ACSS1: variants seen among roughly 807,000 people sequenced by gnomAD.
ACSS1 encodes the protein acetyl-coenzyme A synthetase 2-like, mitochondrial.
Under a neutral mutation model 75.3 loss-of-function variants are expected in ACSS1, and 42 were observed. The ratio of observed to expected loss-of-function variants is 0.56; its 90% confidence interval spans 0.44 to 0.72. The LOEUF is 0.72. Ranked by LOEUF, ACSS1 falls within the 30% of genes least tolerant of loss-of-function variation. The probability of loss-of-function intolerance (pLI) is 0.00; values close to 1 mark genes in which losing one functional copy is unlikely to be tolerated. For missense variants in ACSS1, 782 were observed against 935.7 expected (o/e 0.84, Z 2.14); for synonymous variants, 380 against 376.8 (o/e 1.01, Z -0.10).
At chr20:25,013,779 G>A in intron 9 of ACSS1, 117 bp from the exon 10 acceptor site, 1 of 1,443,710 alleles carries the variant, frequency 6.9e-7, no homozygotes, top group Non-Finnish European at 9.2e-7. Context: ...TGCCCCTGAG[G>A]AGGGCCCCAA....
At chr20:25,037,546 T>C (rs1193795181) in intron 2 of ACSS1, among the ~76,000 whole-genome samples, 3 of 152,174 alleles carry the variant, frequency 2.0e-5, no homozygotes, top group African/African-American at 7.2e-5. Flanking sequence ...GCTCAGTCAC[T>C]TCTCTCCAAG....
Position 25,030,852 on chromosome 20 carries a change from C to T in ACSS1, c.538G>A (p.Ala180Thr). 1 of 1,614,246 alleles carries T rather than the reference C, an allele frequency of 6.2e-7. No homozygotes were observed. The highest frequency in any genetic ancestry group is 8.5e-7 in the Non-Finnish European group (1 of 1,180,050). ...ATCCTGGCACAGGCCAGCATTGCTG[C>T]CACAGCCAATGGGGACACGGGCATG... ...IYMPVSPLAVAAMLACARIGA... is the reference protein window; with the variant it reads ...IYMPVSPLAVTAMLACARIGA... The change falls in exon 3 of 14, where the codon GCA becomes ACA. Residue 180 changes from alanine to threonine, a missense_variant. Ala to Thr is a moderately conservative substitution (Grantham distance 58). Coordinates refer to ENST00000323482, the MANE Select transcript of ACSS1 (RefSeq NM_032501.4).
At chr20:25,032,026 GC>G (rs539295238) in intron 2 of ACSS1, among the ~76,000 whole-genome samples, 89 of 152,300 alleles carry the variant, frequency 5.8e-4, no homozygotes, top group African/African-American at 2.0e-3. Flanking sequence ...ACTCCCTGCA[GC>G]CCCGAGACAG....
chr20:25,023,054 G>A lies in ACSS1; in HGVS notation c.846C>T (p.Ser282=), dbSNP rs1407669663. The stretch of plus-strand genomic sequence containing the variant: ...TGAAGAGCATGTCCTCACTGCCCAT[G>A]CTCTCTGGGGCGCAAACAGGGTCCT... The part of the protein sequence containing the change: ...AKEDPVCAPE[S]MGSEDMLFML... The change falls in exon 5 of 14, where the codon AGC becomes AGT. Residue 282 remains serine, a synonymous_variant. Coordinates refer to ENST00000323482, the MANE Select transcript of ACSS1 (RefSeq NM_032501.4). 2 of 1,613,776 alleles carry A rather than the reference G, an allele frequency of 1.2e-6. No individual in the cohort carries two copies. The highest frequency in any genetic ancestry group is 1.7e-5 in the Admixed American group (1 of 59,960).
At chr20:25,023,889 G>A (rs2088670721) in intron 3 of ACSS1, among the ~76,000 whole-genome samples, 1 of 152,198 alleles carries the variant, frequency 6.6e-6, no homozygotes, top group Non-Finnish European at 1.5e-5. Context: ...TTGAAGCTCA[G>A]CTCTTCCTCC....
chr20:25,048,279 T>G, intron 1 of ACSS1, 98 bp from the exon 2 acceptor site: 1 of 938,286 alleles, frequency 1.1e-6, no homozygotes, highest in Non-Finnish European at 1.6e-6. Context: ...TTGCTGTGGC[T>G]CTCTCTTCTT....
chr20:25,015,013 A>G, intron 8 of ACSS1, 125 bp downstream of exon 8: 2 of 742,440 alleles, frequency 2.7e-6, no homozygotes, highest in East Asian at 5.8e-5. Flanking sequence ...GGGTTTCCGC[A>G]GTCTCGGGCG....
At chr20:25,016,438 C>T (rs527436177) in intron 7 of ACSS1, among the ~76,000 whole-genome samples, 19 of 152,346 alleles carry the variant, frequency 1.2e-4, no homozygotes, top group African/African-American at 3.1e-4. Flanking sequence ...TTCTCAGTGT[C>T]TACCTTATGA....
At chr20:25,022,632 T>G (rs2088642976) in intron 5 of ACSS1, among the ~76,000 whole-genome samples, 2 of 152,214 alleles carry the variant, frequency 1.3e-5, no homozygotes. Context: ...TTAATTTGGG[T>G]GGTTTTCTCT....
rs759675862 is a variant in ACSS1 at position 25,023,693 on chromosome 20, C to T, written c.632-52G>A. The T allele has an allele frequency of 1.3e-5, 19 of 1,504,958 alleles. No homozygotes were observed. The East Asian group carries it at 4.3e-4, about 34-fold the overall frequency. 93.2% of individuals were successfully genotyped at this position (1,504,958 alleles called of 1,614,324 possible). On this transcript the variant is annotated intron_variant, in intron 3 of 13. Coordinates refer to ENST00000323482, the MANE Select transcript of ACSS1 (RefSeq NM_032501.4). ...GATCAGTCTCCTCCCGACTTTAACC[C>T]TCATAGCTCTGACTCACATAGGACA...
At chr20:25,034,491 CA>C (rs1247508662) in intron 2 of ACSS1, among the ~76,000 whole-genome samples, 3 of 152,164 alleles carry the variant, frequency 2.0e-5, no homozygotes, top group African/African-American at 7.2e-5. Flanking sequence ...CCCAGACTTC[CA>C]AATGGACCCC....
chr20:25,042,613 A>G (rs73346986), intron 2 of ACSS1, among the ~76,000 whole-genome samples: 1,612 of 152,110 alleles, frequency 0.011, 21 homozygotes, highest in African/African-American at 0.034. Context: ...TAGGGTAATT[A>G]ACTTGGGAGG....
intron 2 of ACSS1, among the ~76,000 whole-genome samples, chr20:25,037,443 A>G (rs1460960672): frequency 6.6e-6 from 1 of 152,194 alleles, no homozygotes; most frequent in Non-Finnish European, 1.5e-5. Flanking sequence ...AGCCTACAGA[A>G]ACGTTTCATT....
intron 7 of ACSS1, among the ~76,000 whole-genome samples, chr20:25,015,839 T>C (rs1237355285): frequency 6.6e-6 from 1 of 152,232 alleles, no homozygotes; most frequent in Non-Finnish European, 1.5e-5. Flanking sequence ...AGGAGCAATC[T>C]GGATGTTTCT....
chr20:25,046,569 C>T, intron 2 of ACSS1: 1 of 531,022 alleles, frequency 1.9e-6, no homozygotes, highest in Admixed American at 3.2e-5. Context: ...CCCTGCCGGA[C>T]CTCCAGGTGT....
In ACSS1 at chr20:25,021,380, C is replaced by T; in HGVS notation, c.1108+9G>A. ...GCATGGGGTCCCAAACAGGGTTCAC[C>T]ATCCTTACCAGCATTGGGATAAACT... On this transcript the variant is annotated intron_variant, in intron 6 of 13. Transcript: ENST00000323482. 1 of 1,613,158 alleles carries T rather than the reference C, an allele frequency of 6.2e-7. No homozygotes were observed. The highest frequency in any genetic ancestry group is 8.5e-7 in the Non-Finnish European group (1 of 1,179,454).
chr20:25,022,025 G>C (rs1412347980), intron 5 of ACSS1, among the ~76,000 whole-genome samples: 1 of 152,118 alleles, frequency 6.6e-6, no homozygotes, highest in Non-Finnish European at 1.5e-5. Flanking sequence ...GTAAGGAAAT[G>C]GGGGAGCATA....
chr20:25,056,738 C>G (rs1387525547), intron 1 of ACSS1, among the ~76,000 whole-genome samples: 1 of 152,156 alleles, frequency 6.6e-6, no homozygotes, highest in African/African-American at 2.4e-5. Context: ...CCATAAAGAC[C>G]CGCAGGTCCT....
Position 25,048,079 on chromosome 20 carries a change from C to G in ACSS1, c.431+6G>C, listed in dbSNP as rs747786851. The G allele has an allele frequency of 6.2e-7, 1 of 1,613,420 alleles. No homozygotes were observed. The highest frequency in any genetic ancestry group is 8.5e-7 in the Non-Finnish European group (1 of 1,179,744). Reference sequence around the variant, plus strand: ...CTCGCACCTTGAACATTCGAGGGCACAGTACCTGTAGGTGATCCTCACTTC... The same window carrying G: ...CTCGCACCTTGAACATTCGAGGGCAGAGTACCTGTAGGTGATCCTCACTTC... On this transcript the variant is annotated splice_donor_region_variant and intron_variant, in intron 2 of 13. Transcript: ENST00000323482.
Sources: allele counts gnomAD v4.1 joint callset (sites outside exome capture counted in the v4.1 genomes callset), GRCh38; gene constraint gnomAD v4.1.1; transcripts MANE v1.5; gene names NCBI Gene and HGNC (gene_info 2026-07-23, HGNC 2026-07-21).